SLC35F3: variants seen among roughly 807,000 people sequenced by gnomAD.
SLC35F3 encodes the protein solute carrier family 35 member F3, also known as putative thiamine transporter SLC35F3.
A neutral mutation model predicts 49.9 loss-of-function variants in SLC35F3; 25 were observed. The ratio of observed to expected loss-of-function variants is 0.50; its 90% CI spans 0.37 to 0.70. The LOEUF is 0.70. SLC35F3 is among the 30% of genes least tolerant of loss of function. SLC35F3 has a pLI of 0.00. For synonymous variants in SLC35F3, 275 were observed against 265.4 expected, an observed-to-expected ratio of 1.04 and a Z score of -0.35; for missense variants, 525 against 639.8, an observed-to-expected ratio of 0.82 and a Z score of 1.94.
intron 2 of SLC35F3, among the ~76,000 whole-genome samples, chr1:234,019,185 T>C (rs1281764696): frequency 6.6e-6 from 1 of 152,178 alleles, no homozygotes; most frequent in East Asian, 1.9e-4. Flanking sequence ...GTGAACTCAC[T>C]ATCACTAGGG....
chr1:233,972,347 A>T (rs557475792), intron 2 of SLC35F3, among the ~76,000 whole-genome samples: 2 of 152,362 alleles, frequency 1.3e-5, no homozygotes, highest in African/African-American at 4.8e-5. Context: ...CTGAAACATT[A>T]TGAACACTCA....
intron 2 of SLC35F3, among the ~76,000 whole-genome samples, chr1:234,153,930 G>T (rs532518800): frequency 6.6e-6 from 1 of 152,304 alleles, no homozygotes; most frequent in East Asian, 1.9e-4. Flanking sequence ...GGGCATGGCG[G>T]CAGGCGCCTG....
intron 3 of SLC35F3, chr1:234,261,769 G>T (rs936944987): frequency 6.6e-6 from 1 of 152,168 alleles, no homozygotes; most frequent in African/African-American, 2.4e-5. Flanking sequence ...GGTGTGACAA[G>T]CCTGGGATTC....
At chr1:234,164,170 C>A (rs1666276257) in intron 2 of SLC35F3, among the ~76,000 whole-genome samples, 1 of 151,560 alleles carries the variant, frequency 6.6e-6, no homozygotes. Flanking sequence ...CTTCCCCCTA[C>A]CCTGCCTCCC....
chr1:234,135,701 A>G (rs916521250), intron 2 of SLC35F3, among the ~76,000 whole-genome samples: 2 of 152,272 alleles, frequency 1.3e-5, no homozygotes, highest in African/African-American at 2.4e-5. Flanking sequence ...CTCAGTACTC[A>G]GGTCTTTACT....
intron 2 of SLC35F3, among the ~76,000 whole-genome samples, chr1:234,202,975 C>T (rs763605747): frequency 6.6e-6 from 1 of 152,140 alleles, no homozygotes; most frequent in African/African-American, 2.4e-5. Context: ...ATGACTCTCC[C>T]CAGCTCAGAG....
intron 2 of SLC35F3, among the ~76,000 whole-genome samples, chr1:234,118,980 T>A (rs188794541): frequency 6.8e-4 from 103 of 152,146 alleles, no homozygotes; most frequent in Non-Finnish European, 2.1e-4. Flanking sequence ...ATCTAAATCA[T>A]TCTGTATTAG....
At chr1:234,120,207 C>T (rs977339326) in intron 2 of SLC35F3, among the ~76,000 whole-genome samples, 18 of 152,214 alleles carry the variant, frequency 1.2e-4, no homozygotes, top group African/African-American at 3.4e-4. Flanking sequence ...TAATTTCACT[C>T]GGCTTACATT....
chr1:234,141,528 A>C (rs2102903636), intron 2 of SLC35F3, among the ~76,000 whole-genome samples: 1 of 152,262 alleles, frequency 6.6e-6, no homozygotes, highest in Non-Finnish European at 1.5e-5. Flanking sequence ...CACCTCCAAA[A>C]ATTTCCTTGT....
chr1:233,961,213 C>G (rs950189582), intron 2 of SLC35F3, among the ~76,000 whole-genome samples: 2 of 152,096 alleles, frequency 1.3e-5, no homozygotes, highest in Non-Finnish European at 2.9e-5. Context: ...GCTGAATGCT[C>G]GAACAGGTGG....
At chr1:234,204,706 G>A (rs1442475897) in intron 2 of SLC35F3, among the ~76,000 whole-genome samples, 3 of 152,224 alleles carry the variant, frequency 2.0e-5, no homozygotes, top group Admixed American at 6.5e-5. Context: ...TGGGGATTCA[G>A]TTGACTTTTT....
rs1333922941 is a variant in SLC35F3, at chr1:234,268,468, AGGGAGAGGGAGG to A, written c.608+36739_608+36750del. On this transcript the variant is annotated intron_variant, in intron 3 of 7. Transcript: ENST00000366618. ...GAAAGGAGACCGTGGAGAGAGGGAGAGGGAGAGGGAGGGGGAGAGGGAGAGAAAGCACATGGT... is the reference window on the plus strand; with the variant it reads ...GAAAGGAGACCGTGGAGAGAGGGAGAGGGAGAGGGAGAGAAAGCACATGGT... 19 of 152,378 alleles carry A rather than the reference AGGGAGAGGGAGG, an allele frequency of 1.2e-4. 1 individual carries two copies. The highest frequency in any genetic ancestry group is 4.3e-4 in the African/African-American group (18 of 41,418). The allele number at this position is 152,378 out of a possible 1,614,324, so 9.4% of individuals were successfully genotyped here.
intron 3 of SLC35F3, among the ~76,000 whole-genome samples, chr1:234,232,914 T>C (rs1667407924): frequency 6.6e-6 from 1 of 152,230 alleles, no homozygotes; most frequent in Non-Finnish European, 1.5e-5. Flanking sequence ...GAGGGAATTC[T>C]GGCTCCTTTA....
intron 2 of SLC35F3, among the ~76,000 whole-genome samples, chr1:234,058,947 G>A (rs1049307014): frequency 6.6e-6 from 1 of 151,986 alleles, no homozygotes; most frequent in African/African-American, 2.4e-5. Flanking sequence ...TAAGTTATCT[G>A]ATTTATCTGC....
chr1:234,109,515 A>T (rs1444527417), intron 2 of SLC35F3, among the ~76,000 whole-genome samples: 1 of 152,146 alleles, frequency 6.6e-6, no homozygotes, highest in South Asian at 2.1e-4. Context: ...TTTCCATCTC[A>T]TCACTGTTTC....
intron 2 of SLC35F3, among the ~76,000 whole-genome samples, chr1:233,947,863 A>G (rs1662537989): frequency 6.8e-6 from 1 of 147,808 alleles, no homozygotes; most frequent in Non-Finnish European, 1.5e-5. Flanking sequence ...AGTGGGCATT[A>G]TCAAAGTTTG....
chr1:234,035,177 T>C (rs1484562465), intron 2 of SLC35F3, among the ~76,000 whole-genome samples: 1 of 152,182 alleles, frequency 6.6e-6, no homozygotes, highest in Non-Finnish European at 1.5e-5. Context: ...TCTAGGAGCA[T>C]ACAGAGAAAG....
Position 234,117,713 on chromosome 1 carries a change from C to A in SLC35F3, c.284-113704C>A, listed in dbSNP as rs866314369. Among the ~76,000 whole-genome samples, 3 of 151,164 alleles carry A rather than the reference C, an allele frequency of 2.0e-5. 1 individual carries two copies. The South Asian group carries it at 6.3e-4, about 32-fold the overall frequency. Reference sequence around the variant, plus strand: ...CATCCTGGCTAACATGGTGAAACCCCGTCTCTACTAAAATTACAAAAAATT... The same window carrying A: ...CATCCTGGCTAACATGGTGAAACCCAGTCTCTACTAAAATTACAAAAAATT... On this transcript the variant is annotated intron_variant, in intron 2 of 7. Coordinates refer to ENST00000366618, the MANE Select transcript of SLC35F3 (RefSeq NM_173508.4).
chr1:234,066,081 C>T (rs1230994541), intron 2 of SLC35F3, among the ~76,000 whole-genome samples: 2 of 152,176 alleles, frequency 1.3e-5, no homozygotes, highest in South Asian at 2.1e-4. Flanking sequence ...GTTTGGGGTC[C>T]AGTAGCTCGC....
Sources: gnomAD v4.1 joint callset for allele counts (sites outside exome capture counted in the v4.1 genomes callset) on GRCh38, gnomAD v4.1.1 for gene constraint, MANE v1.5 for transcripts, NCBI Gene and HGNC (gene_info 2026-07-23, HGNC 2026-07-21) for gene names.